FCGR2B: variants seen among roughly 807,000 people sequenced by gnomAD.
FCGR2B encodes Fc gamma receptor IIb.
Under a neutral mutation model 24.8 loss-of-function variants are expected in FCGR2B, and 18 were observed. That is an observed-to-expected ratio of 0.73 (90% CI 0.50 to 1.08). The LOEUF is 1.08. Among genes scored for constraint, FCGR2B ranks in the 50% least tolerant of loss-of-function variants. The pLI, the probability that FCGR2B is intolerant of heterozygous loss-of-function variation, is 0.00. For synonymous variants in FCGR2B, 79 were observed against 109.8 expected (o/e 0.72, Z 1.75); for missense variants, 215 against 297.6 (o/e 0.72, Z 2.04).
the FCGR2B span, among the ~76,000 whole-genome samples, chr1:161,652,608 C>T: frequency 1.5e-5 from 2 of 135,058 alleles, no homozygotes; most frequent in Non-Finnish European, 3.3e-5. Context: ...TCTGAATCAT[C>T]TTTTAGCAGT....
intron 2 of FCGR2B, 127 bp from the exon 3 acceptor site, chr1:161,671,265 A>T (rs1681627556): frequency 6.7e-7 from 1 of 1,500,386 alleles, no homozygotes; most frequent in African/African-American, 1.4e-5. Flanking sequence ...TTGCAGAACC[A>T]TTCTGGGCCT....
the FCGR2B span, among the ~76,000 whole-genome samples, chr1:161,648,361 T>C: frequency 0.11 from 15,993 of 146,288 alleles, 1,012 homozygotes; most frequent in Admixed American, 0.15. Context: ...GATTTTCTTG[T>C]TTGTTTTTAA....
At chr1:161,676,911 G>A (rs950477118) in intron 6 of FCGR2B, 1 of 238,380 alleles carries the variant, frequency 4.2e-6, no homozygotes, top group Non-Finnish European at 8.1e-6. Context: ...ACTACATTTA[G>A]ACAATGTGGA....
At chr1:161,661,169 A>G (rs149136594), upstream of FCGR2B, among the ~76,000 whole-genome samples, 49 of 111,434 alleles carry the variant, frequency 4.4e-4, 5 homozygotes, top group African/African-American at 1.6e-3. Context: ...AAAGAAAGAA[A>G]GAAGGAAGGA....
chr1:161,648,441 GT>G, the FCGR2B span, among the ~76,000 whole-genome samples: 4 of 148,072 alleles, frequency 2.7e-5, no homozygotes, highest in Admixed American at 6.8e-5. Context: ...GTGATATTGT[GT>G]TTTTAATGTG....
At chr1:161,677,395 T>C in intron 7 of FCGR2B, 30 bp downstream of exon 7, 1 of 1,612,654 alleles carries the variant, frequency 6.2e-7, no homozygotes, top group Non-Finnish European at 8.5e-7. Context: ...TCCCCCTCCC[T>C]TCTCCCCTGT....
At chr1:161,648,054 C>T in the FCGR2B span, among the ~76,000 whole-genome samples, 28 of 150,712 alleles carry the variant, frequency 1.9e-4, no homozygotes, top group African/African-American at 6.6e-4. Flanking sequence ...TCACAGAAAG[C>T]AGCATGGGCT....
intron 5 of FCGR2B, 159 bp from the exon 6 acceptor site, chr1:161,675,098 G>A: frequency 3.5e-6 from 2 of 567,722 alleles, no homozygotes; most frequent in South Asian, 5.0e-5. Context: ...TTCCAGGCGG[G>A]AGCAGCCTCT....
At chr1:161,652,270 G>A in the FCGR2B span, among the ~76,000 whole-genome samples, 1 of 132,720 alleles carries the variant, frequency 7.5e-6, no homozygotes, top group Non-Finnish European at 1.7e-5. Context: ...ACAGTTCTTG[G>A]GTGTTCTGTT....
Position 161,672,998 on chromosome 1 carries a change from C to T in FCGR2B, c.415C>T (p.His139Tyr), listed in dbSNP as rs760615082. ...AGAGTGGCTGGTGCTCCAGACCCCT[C>T]ACCTGGAGTTCCAGGAGGGAGAAAC... ...LSEWLVLQTPHLEFQEGETIV... is the reference protein window; with the variant it reads ...LSEWLVLQTPYLEFQEGETIV... Residue 139 changes from histidine to tyrosine, a missense_variant, in exon 4 of 8, where the codon CAC becomes TAC. Physicochemically the swap from His to Tyr is moderately conservative, Grantham distance 83. Transcript: ENST00000358671. The T allele has an allele frequency of 1.2e-6, 2 of 1,613,170 alleles. No individual in the cohort carries two copies. The highest frequency in any genetic ancestry group is 1.1e-5 in the South Asian group (1 of 91,006).
chr1:161,654,231 C>T, the FCGR2B span, among the ~76,000 whole-genome samples: 3 of 131,596 alleles, frequency 2.3e-5, no homozygotes, highest in East Asian at 3.9e-4. Context: ...CAGTTTTAGT[C>T]GGGCCTTCTG....
At chr1:161,649,883 C>G in the FCGR2B span, among the ~76,000 whole-genome samples, 1 of 149,808 alleles carries the variant, frequency 6.7e-6, no homozygotes, top group Non-Finnish European at 1.5e-5. Context: ...CGTGCAAGAA[C>G]TTTATTGATT....
In FCGR2B at chr1:161,673,052, G is replaced by A. The variant is rs1571026625; in HGVS notation, c.469G>A (p.Asp157Asn). Residue 157 changes from aspartate to asparagine, a missense_variant, in exon 4 of 8, where the codon GAC becomes AAC. Asp to Asn is a conservative substitution (Grantham distance 23). Transcript: ENST00000358671. Reference protein sequence around the residue: ...TIVLRCHSWKDKPLVKVTFFQ... With the variant: ...TIVLRCHSWKNKPLVKVTFFQ... ...CGTGCTGAGGTGCCACAGCTGGAAG[G>A]ACAAGCCTCTGGTCAAGGTCACATT... 1.2e-6 allele frequency: 2 copies of A among 1,612,414 alleles called. No individual in the cohort carries two copies. Among genetic ancestry groups the A allele is most frequent in the South Asian group, 1.1e-5 (1 of 90,902 alleles).
chr1:161,647,297 C>CTTTTT, the FCGR2B span, among the ~76,000 whole-genome samples: 512 of 122,514 alleles, frequency 4.2e-3, 20 homozygotes, highest in African/African-American at 0.016. Flanking sequence ...GCTCTGGACT[C>CTTTTT]TTTTTTTTTT....
chr1:161,649,203 T>C, the FCGR2B span, among the ~76,000 whole-genome samples: 1 of 150,918 alleles, frequency 6.6e-6, no homozygotes, highest in Admixed American at 6.6e-5. Context: ...GTAATATTAA[T>C]GAGGAAAGCA....
rs1431227343 is a variant in FCGR2B at position 161,669,199 on chromosome 1, A to T, written c.113-1053A>T. Among the ~76,000 whole-genome samples, 4 of 140,980 alleles carry T rather than the reference A, an allele frequency of 2.8e-5. No individual in the cohort carries two copies. In the Admixed American group the frequency reaches 2.9e-4, roughly 10 times the overall value. 92.5% of individuals were successfully genotyped at this position (140,980 alleles called of 152,430 possible). ...ATATTTCTAATAGCAAAAATCTGGA[A>T]GACCTAAATGCCAAGCAAAAGAGTT... On this transcript the variant is annotated intron_variant, in intron 1 of 7. Transcript: ENST00000358671.
the FCGR2B span, among the ~76,000 whole-genome samples, chr1:161,648,745 A>C: frequency 6.6e-6 from 1 of 150,572 alleles, no homozygotes; most frequent in Admixed American, 6.7e-5. Flanking sequence ...GCTGGAGTAC[A>C]GTGGCGCAAG....
chr1:161,671,242 C>A, intron 2 of FCGR2B, 150 bp from the exon 3 acceptor site: 2 of 1,347,138 alleles, frequency 1.5e-6, no homozygotes, highest in Non-Finnish European at 2.0e-6. Flanking sequence ...TGAGCAAAAG[C>A]AACTGCCTTC....
At chr1:161,672,817 A>G (rs1431020544) in intron 3 of FCGR2B, 158 bp from the exon 4 acceptor site, 28 of 1,187,954 alleles carry the variant, frequency 2.4e-5, no homozygotes, top group Non-Finnish European at 3.1e-5. Context: ...TTTGCCCAAG[A>G]GTTCATAAAT....
Sources: allele counts gnomAD v4.1 joint callset (sites outside exome capture counted in the v4.1 genomes callset), GRCh38; gene constraint gnomAD v4.1.1; transcripts MANE v1.5; gene names NCBI Gene and HGNC (gene_info 2026-07-23, HGNC 2026-07-21).